GRID1: variants seen among roughly 807,000 people sequenced by gnomAD.
GRID1 encodes glutamate ionotropic receptor delta type subunit 1, also known as glutamate receptor ionotropic, delta-1.
Under a neutral mutation model 98.0 loss-of-function variants are expected in GRID1, and 28 were observed. That is an observed-to-expected ratio of 0.29 (90% CI 0.21 to 0.39). GRID1 has a LOEUF of 0.39. Ranked by LOEUF, GRID1 falls within the 10% of genes least tolerant of loss-of-function variation. The pLI is 1.00. For synonymous variants in GRID1, 553 were observed against 538.5 expected (o/e 1.03, Z -0.37); for missense variants, 1,111 against 1,340.5 (o/e 0.83, Z 2.67).
intron 5 of GRID1, among the ~76,000 whole-genome samples, chr10:85,903,163 C>T (rs1841413161): frequency 6.6e-6 from 1 of 152,150 alleles, no homozygotes; most frequent in Non-Finnish European, 1.5e-5. Context: ...CTAGTGTCTA[C>T]ATACCATCTC....
intron 8 of GRID1, among the ~76,000 whole-genome samples, chr10:85,761,818 C>A (rs543600173): frequency 6.6e-6 from 1 of 152,234 alleles, no homozygotes; most frequent in African/African-American, 2.4e-5. Flanking sequence ...CCCACACCCC[C>A]CAAAACACAC....
intron 3 of GRID1, among the ~76,000 whole-genome samples, chr10:86,201,931 A>C (rs992954175): frequency 6.6e-6 from 1 of 152,214 alleles, no homozygotes; most frequent in Non-Finnish European, 1.5e-5. Context: ...GAAGCACACA[A>C]GGGCTCCTTG....
intron 2 of GRID1, among the ~76,000 whole-genome samples, chr10:86,271,838 G>A (rs1473003908): frequency 2.0e-5 from 3 of 152,182 alleles, no homozygotes; most frequent in Non-Finnish European, 4.4e-5. Context: ...GAGGGGAGGA[G>A]AGTGGGAGGA....
intron 12 of GRID1, among the ~76,000 whole-genome samples, chr10:85,668,155 C>T (rs1841044038): frequency 6.6e-6 from 1 of 152,226 alleles, no homozygotes; most frequent in Non-Finnish European, 1.5e-5. Flanking sequence ...GGGGATGCTT[C>T]CACAGGGAGG....
intron 4 of GRID1, among the ~76,000 whole-genome samples, chr10:86,046,147 C>T (rs1032688269): frequency 6.6e-6 from 1 of 152,146 alleles, no homozygotes; most frequent in African/African-American, 2.4e-5. Context: ...AGTTATTGCC[C>T]CTTTCCATGG....
At chr10:85,931,051 G>C (rs1256218485) in intron 4 of GRID1, among the ~76,000 whole-genome samples, 1 of 152,122 alleles carries the variant, frequency 6.6e-6, no homozygotes, top group African/African-American at 2.4e-5. Context: ...TGTTGCCCAG[G>C]CTGGTCTCAA....
intron 2 of GRID1, among the ~76,000 whole-genome samples, chr10:86,247,757 C>G (rs554857722): frequency 1.3e-5 from 2 of 152,130 alleles, no homozygotes; most frequent in Non-Finnish European, 2.9e-5. Flanking sequence ...AGACTGGCAC[C>G]GGCTGGGCCC....
At chr10:85,634,998 GAAAAAAAAAAAAAAAA>G (rs140144576) in intron 13 of GRID1, among the ~76,000 whole-genome samples, 55 of 35,012 alleles carry the variant, frequency 1.6e-3, no homozygotes, top group Middle Eastern at 0.029. Flanking sequence ...GAGGAAATCT[GAAAAAAAAAAAAAAAA>G]AAAAAAAAAA....
intron 8 of GRID1, among the ~76,000 whole-genome samples, chr10:85,761,543 C>T (rs929537574): frequency 1.3e-5 from 2 of 152,202 alleles, no homozygotes; most frequent in Admixed American, 1.3e-4. Context: ...AGCAATTACA[C>T]CGTTGTGCTG....
At chr10:85,974,769 G>A (rs1312344534) in intron 4 of GRID1, among the ~76,000 whole-genome samples, 1 of 152,198 alleles carries the variant, frequency 6.6e-6, no homozygotes, top group Non-Finnish European at 1.5e-5. Context: ...TGGGACCACA[G>A]GCACGCACCA....
intron 2 of GRID1, among the ~76,000 whole-genome samples, chr10:86,309,833 C>T (rs1049541287): frequency 6.6e-6 from 1 of 152,200 alleles, no homozygotes; most frequent in Non-Finnish European, 1.5e-5. Context: ...CCTCCTCCTA[C>T]AAAGCCTCAC....
chr10:86,107,238 C>T (rs562777731), intron 4 of GRID1, among the ~76,000 whole-genome samples: 1 of 152,236 alleles, frequency 6.6e-6, no homozygotes, highest in Non-Finnish European at 1.5e-5. Flanking sequence ...TGCCCGATAG[C>T]TGCTCTGGGA....
rs527728728 is a variant in GRID1 at position 85,675,579 on chromosome 10, T to A, written c.1998-28182A>T. 2.0e-5 allele frequency among the ~76,000 whole-genome samples: 3 copies of A among 152,352 alleles called. No homozygotes were observed. In the East Asian group the frequency reaches 5.8e-4, roughly 29 times the overall value. On this transcript the variant is annotated intron_variant, in intron 12 of 15. Coordinates refer to ENST00000327946, the MANE Select transcript of GRID1 (RefSeq NM_017551.3). The stretch of plus-strand genomic sequence containing the variant: ...CTGAGAAAATGACAAAGCAAGCTAC[T>A]TAAAATGTGTTCATGTGGTGGAAAA...
chr10:86,161,392 G>A (rs944608212), intron 3 of GRID1, among the ~76,000 whole-genome samples: 3 of 152,058 alleles, frequency 2.0e-5, no homozygotes, highest in Non-Finnish European at 4.4e-5. Flanking sequence ...AGGCAGCTGC[G>A]GGAAGGGAAC....
At chr10:85,833,643 G>C (rs1227224832) in intron 8 of GRID1, among the ~76,000 whole-genome samples, 1 of 151,982 alleles carries the variant, frequency 6.6e-6, no homozygotes, top group Admixed American at 6.6e-5. Context: ...ATGATCAACT[G>C]ATGCTAAGAC....
At chr10:85,964,339 C>A (rs1324848078) in intron 4 of GRID1, among the ~76,000 whole-genome samples, 1 of 152,118 alleles carries the variant, frequency 6.6e-6, no homozygotes, top group Non-Finnish European at 1.5e-5. Context: ...CCAAGACAAT[C>A]CTAAGCAAAA....
chr10:85,683,628 C>T (rs957936492), intron 12 of GRID1, among the ~76,000 whole-genome samples: 1 of 152,190 alleles, frequency 6.6e-6, no homozygotes, highest in Non-Finnish European at 1.5e-5. Flanking sequence ...TTCATGCTCA[C>T]TGGCCATGAA....
At chr10:85,898,968 G>T (rs1231092452) in intron 5 of GRID1, among the ~76,000 whole-genome samples, 1 of 152,182 alleles carries the variant, frequency 6.6e-6, no homozygotes, top group African/African-American at 2.4e-5. Context: ...TGGCAGCACA[G>T]TAGGTTTGTT....
intron 2 of GRID1, among the ~76,000 whole-genome samples, chr10:86,331,112 C>G (rs1848134605): frequency 6.6e-6 from 1 of 152,228 alleles, no homozygotes; most frequent in Non-Finnish European, 1.5e-5. Context: ...TCTGGAAGCC[C>G]ATCGCTGATC....
Sources: gnomAD v4.1 joint callset for allele counts (sites outside exome capture counted in the v4.1 genomes callset) on GRCh38, gnomAD v4.1.1 for gene constraint, MANE v1.5 for transcripts, NCBI Gene and HGNC (gene_info 2026-07-23, HGNC 2026-07-21) for gene names.